NOL8: variants seen among roughly 807,000 people sequenced by gnomAD.
The protein encoded by NOL8 is nucleolar protein 8.
Under a neutral mutation model 116.1 loss-of-function variants are expected in NOL8, and 93 were observed. That is an observed-to-expected ratio of 0.80 (90% CI 0.68 to 0.95). The LOEUF is 0.95. Among genes scored for constraint, NOL8 ranks in the 40% least tolerant of loss-of-function variants. The probability of loss-of-function intolerance (pLI) is 0.00; values close to 1 mark genes in which losing one functional copy is unlikely to be tolerated. For synonymous variants in NOL8, 419 were observed against 469.0 expected, an observed-to-expected ratio of 0.89 and a Z score of 1.38; for missense variants, 1,291 against 1,382.8, an observed-to-expected ratio of 0.93 and a Z score of 1.05.
chr9:92,323,374 C>T (rs1226930738), intron 3 of NOL8, 67 bp downstream of exon 3: 6 of 1,540,616 alleles, frequency 3.9e-6, no homozygotes, highest in Non-Finnish European at 5.3e-6. Flanking sequence ...AGATTTAGAA[C>T]CAGTTATTCC....
chr9:92,298,834 G>GTAT (rs1158974468), intron 15 of NOL8, 50 bp downstream of exon 15: 4 of 1,064,588 alleles, frequency 3.8e-6, no homozygotes, highest in Non-Finnish European at 5.4e-6. Context: ...TACTGTAGCT[G>GTAT]TATTATTACC....
Position 92,299,936 on chromosome 9 carries a change from C to T in NOL8, c.3256G>A (p.Glu1086Lys). 1 of 1,613,618 alleles carries T rather than the reference C, an allele frequency of 6.2e-7. No individual in the cohort carries two copies. Among genetic ancestry groups the T allele is most frequent in the Non-Finnish European group, 8.5e-7 (1 of 1,179,630 alleles). ...TCTGTTTCTTCAGTAACATCTTCCT[C>T]TTCTGAACTGCTGTCTTGTAAACGA... Reference protein sequence around the residue: ...DPRLQDSSSEEEDVTEETDHR... With the variant: ...DPRLQDSSSEKEDVTEETDHR... The change falls in exon 14 of 17, where the codon GAG becomes AAG. Residue 1086 changes from glutamate (E) to lysine (K), a missense_variant. Coordinates refer to ENST00000442668, the MANE Select transcript of NOL8 (RefSeq NM_017948.6).
In NOL8 at chr9:92,324,103, GA is replaced by G; in HGVS notation, c.58del (p.Ser20LeufsTer41). On this transcript the variant is annotated frameshift_variant, in exon 2 of 17. Coordinates refer to ENST00000442668, the MANE Select transcript of NOL8 (RefSeq NM_017948.6). LOFTEE classifies it high-confidence loss of function. ...GAACTGATTTTGTAGGTCTGCCTCA[GA>G]AATGTCCTGGCTAAGGCCACCCACA... ...LYVGGLSQDI[S>X]EADLQNQFSR... 1.2e-6 allele frequency: 2 copies of G among 1,614,056 alleles called. No homozygotes were observed. The highest frequency in any genetic ancestry group is 1.7e-6 in the Non-Finnish European group (2 of 1,179,900).
intron 3 of NOL8, among the ~76,000 whole-genome samples, chr9:92,322,587 C>T (rs1328962481): frequency 2.0e-5 from 3 of 152,150 alleles, no homozygotes; most frequent in African/African-American, 7.2e-5. Context: ...AAACTCCTGA[C>T]CTCAAGTGAT....
intron 7 of NOL8, among the ~76,000 whole-genome samples, chr9:92,311,591 C>T (rs1269779015): frequency 1.3e-5 from 2 of 151,700 alleles, no homozygotes; most frequent in Non-Finnish European, 2.9e-5. Context: ...AACAAGCATA[C>T]AAAAAAAATG....
chr9:92,311,121 C>T (rs780619216), intron 8 of NOL8, 25 bp downstream of exon 8: 1 of 1,542,170 alleles, frequency 6.5e-7, no homozygotes, highest in Non-Finnish European at 8.9e-7. Context: ...GATGAATGTC[C>T]ACAGAGACAT....
At chr9:92,319,935 G>A (rs1242071785) in intron 4 of NOL8, 1 of 403,918 alleles carries the variant, frequency 2.5e-6, no homozygotes, top group South Asian at 1.9e-5. Context: ...TGACATGCAC[G>A]CTTATACCTG....
At chr9:92,300,799 C>CA (rs1837670179) in intron 13 of NOL8, 1 of 1,075,712 alleles carries the variant, frequency 9.3e-7, no homozygotes, top group South Asian at 2.1e-5. Context: ...GCCTGGGTGA[C>CA]AGAGACTCTG....
rs1564248685 is a variant in NOL8, at chr9:92,323,391, C to T, written c.202+50G>A. 9.0e-6 allele frequency: 14 copies of T among 1,550,124 alleles called. No individual in the cohort carries two copies. In the South Asian group the frequency reaches 9.5e-5, roughly 10 times the overall value. Reference sequence around the variant, plus strand: ...ATTTAGAACCAGTTATTCCAAGTTACAGAGTCATACAAACTGGCAAACAGT... The same window carrying T: ...ATTTAGAACCAGTTATTCCAAGTTATAGAGTCATACAAACTGGCAAACAGT... On this transcript the variant is annotated intron_variant, in intron 3 of 16. Transcript: ENST00000442668.
chr9:92,303,097 A>G (rs959058780), intron 12 of NOL8, among the ~76,000 whole-genome samples: 7 of 152,196 alleles, frequency 4.6e-5, no homozygotes, highest in African/African-American at 1.4e-4. Context: ...TTACAGTGAA[A>G]TAAGAGAGGA....
intron 9 of NOL8, 30 bp from the exon 10 acceptor site, chr9:92,310,291 T>C: frequency 2.6e-6 from 4 of 1,565,216 alleles, no homozygotes; most frequent in Non-Finnish European, 2.6e-6. Flanking sequence ...ACATAATTGA[T>C]AGCCACATTC....
intron 12 of NOL8, among the ~76,000 whole-genome samples, chr9:92,305,272 A>G (rs1185734605): frequency 6.6e-6 from 1 of 152,122 alleles, no homozygotes; most frequent in Non-Finnish European, 1.5e-5. Context: ...CAGAAATGGG[A>G]GTAATGTAGT....
intron 4 of NOL8, 45 bp from the exon 5 acceptor site, chr9:92,319,401 C>G (rs773498091): frequency 6.7e-7 from 1 of 1,485,252 alleles, no homozygotes; most frequent in African/African-American, 1.5e-5. Context: ...AAATAATCAG[C>G]CACGTAAAAT....
At chr9:92,313,053 TC>T (rs1050860612) in intron 7 of NOL8, among the ~76,000 whole-genome samples, 1 of 150,822 alleles carries the variant, frequency 6.6e-6, no homozygotes, top group African/African-American at 2.4e-5. Context: ...ATCACTCCCT[TC>T]CCCTGCCAAG....
At chr9:92,310,381 A>T in intron 9 of NOL8, 120 bp from the exon 10 acceptor site, 5 of 1,136,334 alleles carry the variant, frequency 4.4e-6, no homozygotes, top group Non-Finnish European at 6.4e-6. Flanking sequence ...ATGTTTGCCT[A>T]CCTCCATCTA....
chr9:92,307,062 A>G (rs1421604256), intron 10 of NOL8, 38 bp from the exon 11 acceptor site: 2 of 1,584,272 alleles, frequency 1.3e-6, no homozygotes, highest in East Asian at 4.5e-5. Flanking sequence ...CTCTTGGAAA[A>G]CACAGCCTGA....
chr9:92,323,517 A>T lies in NOL8; in HGVS notation c.140-14T>A. On this transcript the variant is annotated splice_polypyrimidine_tract_variant and intron_variant, in intron 2 of 16. Transcript: ENST00000442668. ...TCTGTGGGTTTCCTAAAAAACAAAC[A>T]AACAAACAAACAAAACAATTTATTT... 1 of 1,586,630 alleles carries T rather than the reference A, an allele frequency of 6.3e-7. No homozygotes were observed. Among genetic ancestry groups the T allele is most frequent in the Non-Finnish European group, 8.6e-7 (1 of 1,167,246 alleles).
chr9:92,302,235 A>T (rs1333698221), intron 12 of NOL8, among the ~76,000 whole-genome samples: 1 of 152,186 alleles, frequency 6.6e-6, no homozygotes, highest in Admixed American at 6.5e-5. Flanking sequence ...AGTAACTGGT[A>T]AAATTGTAAA....
At chr9:92,310,885 A>G in intron 8 of NOL8, 1 of 589,496 alleles carries the variant, frequency 1.7e-6, no homozygotes, top group Non-Finnish European at 2.9e-6. Context: ...TGAAGCCTGG[A>G]TTTGGGGAGG....
Sources: allele counts gnomAD v4.1 joint callset (sites outside exome capture counted in the v4.1 genomes callset), GRCh38; gene constraint gnomAD v4.1.1; transcripts MANE v1.5; gene names NCBI Gene and HGNC (gene_info 2026-07-23, HGNC 2026-07-21).